Variants in MCCC1 observed in about 807,000 individuals in gnomAD.
The protein encoded by MCCC1 is methylcrotonyl-CoA carboxylase subunit 1.
In MCCC1, 64 loss-of-function variants were observed where a neutral mutation model predicts 83.8. The ratio of observed to expected loss-of-function variants is 0.76; its 90% CI spans 0.62 to 0.94. The LOEUF is 0.94. Among genes scored for constraint, MCCC1 ranks in the 40% least tolerant of loss-of-function variants. The pLI is 0.00. For synonymous variants in MCCC1, 322 were observed against 315.4 expected (o/e 1.02, Z -0.22); for missense variants, 807 against 904.7 (o/e 0.89, Z 1.39).
Position 183,041,807 on chromosome 3 carries a change from G to A in MCCC1, c.1084-57C>T, listed in dbSNP as rs1273260307. ...TACCGTATAGCGGCTACCAGACTTAGTAAATCAATGGTCTTGCTTTTTTTC... is the reference window on the plus strand; with the variant it reads ...TACCGTATAGCGGCTACCAGACTTAATAAATCAATGGTCTTGCTTTTTTTC... On this transcript the variant is annotated intron_variant, in intron 10 of 18. Transcript: ENST00000265594. 7 of 1,584,876 alleles carry A rather than the reference G, an allele frequency of 4.4e-6. No individual in the cohort carries two copies. The Admixed American group carries it at 1.2e-4, about 26-fold the overall frequency.
At chr3:183,105,964 C>A (rs957498350) in intron 1 of MCCC1, among the ~76,000 whole-genome samples, 11 of 151,536 alleles carry the variant, frequency 7.3e-5, no homozygotes, top group African/African-American at 2.7e-4. Context: ...TGGCTGGTGC[C>A]TATAATCCCA....
chr3:183,025,610 G>A lies in MCCC1; in HGVS notation c.1731+145C>T, dbSNP rs971127608. 29 of 748,748 alleles carry A rather than the reference G, an allele frequency of 3.9e-5. No individual in the cohort carries two copies. In the Admixed American group the frequency reaches 6.2e-4, roughly 16 times the overall value. The allele number at this position is 748,748 out of a possible 1,614,324, so 46.4% of individuals were successfully genotyped here. ...ATAGGGGGTAATTTCCCCAAATTGG[G>A]TCTGAAATACAAGCATAAGATATTC... On this transcript the variant is annotated intron_variant, in intron 15 of 18. Transcript: ENST00000265594.
rs751066281 is a variant in MCCC1, at chr3:183,099,251, C to T, written c.89+101G>A. Reference sequence around the variant, plus strand: ...GCCTGGGGTTTTCCTACCGTCCTCCCCACACCGACCCTGGGTTCCGCCGCA... The same window carrying T: ...GCCTGGGGTTTTCCTACCGTCCTCCTCACACCGACCCTGGGTTCCGCCGCA... On this transcript the variant is annotated intron_variant, in intron 1 of 18. Coordinates refer to ENST00000265594, the MANE Select transcript of MCCC1 (RefSeq NM_020166.5). 1,325 of 1,399,622 alleles carry T rather than the reference C, an allele frequency of 9.5e-4. 1 individual carries two copies. Among genetic ancestry groups the T allele is most frequent in the Non-Finnish European group, 1.2e-3 (1,237 of 1,022,634 alleles). 86.7% of individuals were successfully genotyped at this position (1,399,622 alleles called of 1,614,324 possible). A position where few individuals can be genotyped will look rare whatever the true frequency, so the allele number is the denominator to read the frequency against.
At chr3:183,021,651 T>C (rs1712170201) in intron 16 of MCCC1, among the ~76,000 whole-genome samples, 2 of 152,212 alleles carry the variant, frequency 1.3e-5, no homozygotes, top group South Asian at 2.1e-4. Flanking sequence ...CTTCACATTT[T>C]AGAACTTGAG....
chr3:183,092,175 T>C (rs918057168), intron 3 of MCCC1, among the ~76,000 whole-genome samples: 1 of 152,196 alleles, frequency 6.6e-6, no homozygotes, highest in Non-Finnish European at 1.5e-5. Context: ...TTTTAACCAA[T>C]CCTCAAGGAG....
Position 183,049,343 on chromosome 3 carries a change from G to A in MCCC1, c.955+2816C>T, listed in dbSNP as rs117259257. Among the ~76,000 whole-genome samples, 64 of 152,018 alleles carry A rather than the reference G, an allele frequency of 4.2e-4. 1 individual carries two copies. The East Asian group carries it at 0.011, about 26-fold the overall frequency. On this transcript the variant is annotated intron_variant, in intron 9 of 18. Coordinates refer to ENST00000265594, the MANE Select transcript of MCCC1 (RefSeq NM_020166.5). The stretch of plus-strand genomic sequence containing the variant: ...TAAAATCAGTAACCTTGGCCACAGC[G>A]GGCAGCTCAAAAGGTCAAGAGATCA...
chr3:183,033,165 C>T (rs1004606276), intron 14 of MCCC1, among the ~76,000 whole-genome samples: 15 of 152,220 alleles, frequency 9.9e-5, no homozygotes, highest in African/African-American at 3.6e-4. Flanking sequence ...CCTGCTGCTA[C>T]ACTGCTCCAG....
chr3:183,065,557 G>A (rs901836654), intron 7 of MCCC1, among the ~76,000 whole-genome samples: 1 of 151,302 alleles, frequency 6.6e-6, no homozygotes, highest in African/African-American at 2.4e-5. Flanking sequence ...AGTGAAATGC[G>A]TTTTTTTTGT....
At chr3:183,104,361 A>G (rs1719374103), upstream of MCCC1, among the ~76,000 whole-genome samples, 1 of 151,780 alleles carries the variant, frequency 6.6e-6, no homozygotes, top group South Asian at 2.1e-4. Flanking sequence ...AAACTGATCT[A>G]CCCGCCTTGG....
intron 1 of MCCC1, chr3:183,098,469 G>T (rs1718903124): frequency 6.6e-6 from 1 of 152,186 alleles, no homozygotes; most frequent in Non-Finnish European, 1.5e-5. Context: ...AATTAAAGAA[G>T]AAATATTAAG....
At chr3:183,095,152 G>A (rs1718647623) in intron 1 of MCCC1, among the ~76,000 whole-genome samples, 1 of 151,848 alleles carries the variant, frequency 6.6e-6, no homozygotes, top group African/African-American at 2.4e-5. Flanking sequence ...GCGTCATGGC[G>A]GGCACCTGTA....
chr3:183,049,378 T>C (rs551347631), intron 9 of MCCC1, among the ~76,000 whole-genome samples: 73 of 152,104 alleles, frequency 4.8e-4, no homozygotes, highest in African/African-American at 1.7e-3. Context: ...AAGACCATCC[T>C]GGCCAAGATG....
At chr3:183,085,460 T>C (rs1379794926) in intron 4 of MCCC1, among the ~76,000 whole-genome samples, 1 of 150,704 alleles carries the variant, frequency 6.6e-6, no homozygotes, top group African/African-American at 2.5e-5. Flanking sequence ...AGAAAGCCCA[T>C]CCCTACAAAA....
Position 183,111,473 on chromosome 3 carries a change from C to T in MCCC1, c.-102+4001G>A, listed in dbSNP as rs113290127. ...TACCACCACGCCTGGCTAATTTTTGCATTTTTAGTAGACATGGGGTTTTGC... is the reference window on the plus strand; with the variant it reads ...TACCACCACGCCTGGCTAATTTTTGTATTTTTAGTAGACATGGGGTTTTGC... On this transcript the variant is annotated intron_variant, in intron 1 of 17. Coordinates refer to the MCCC1 transcript ENST00000492597. Among the ~76,000 whole-genome samples the T allele has an allele frequency of 7.2e-3, 1,090 of 152,190 alleles. 17 individuals are homozygous for T. Among genetic ancestry groups the T allele is most frequent in the African/African-American group, 0.025 (1,029 of 41,538 alleles).
intron 4 of MCCC1, among the ~76,000 whole-genome samples, chr3:183,075,245 G>C (rs1226059796): frequency 6.6e-6 from 1 of 152,182 alleles, no homozygotes; most frequent in Non-Finnish European, 1.5e-5. Context: ...TGGGATTGCT[G>C]GGTTGAATGG....
chr3:183,041,352 C>CA (rs1017232024), intron 11 of MCCC1, among the ~76,000 whole-genome samples: 45 of 150,812 alleles, frequency 3.0e-4, no homozygotes, highest in African/African-American at 8.8e-4. Flanking sequence ...TGCTGAATTT[C>CA]AAAAAAAAGG....
upstream of MCCC1, chr3:183,099,668 T>TG (rs141274667): frequency 0.012 from 7,312 of 610,050 alleles, 390 homozygotes; most frequent in African/African-American, 0.12. Flanking sequence ...CACGTGCTCG[T>TG]GGGGGTGTGG....
intron 18 of MCCC1, 124 bp from the exon 19 acceptor site, chr3:183,015,690 C>G (rs946414308): frequency 5.2e-5 from 60 of 1,146,452 alleles, no homozygotes; most frequent in Non-Finnish European, 7.1e-5. Context: ...TGTCATCTCT[C>G]GGTGCTTTCC....
intron 18 of MCCC1, among the ~76,000 whole-genome samples, chr3:183,016,718 A>G (rs528536076): frequency 1.3e-5 from 2 of 152,356 alleles, no homozygotes; most frequent in South Asian, 4.1e-4. Context: ...ACCATTGTCA[A>G]GCTGAAAAAT....
Sources: allele counts gnomAD v4.1 joint callset (sites outside exome capture counted in the v4.1 genomes callset), GRCh38; gene constraint gnomAD v4.1.1; transcripts MANE v1.5; gene names NCBI Gene and HGNC (gene_info 2026-07-23, HGNC 2026-07-21).